Variants in ALX4 observed in about 807,000 individuals in gnomAD.
ALX4 encodes ALX homeobox 4, also known as homeobox protein aristaless-like 4.
A neutral mutation model predicts 40.6 loss-of-function variants in ALX4; 22 were observed. The observed-to-expected ratio is 0.54, with a 90% CI of 0.39 to 0.77. The LOEUF (loss-of-function observed/expected upper bound fraction) is 0.77. Among genes scored for constraint, ALX4 ranks in the 30% least tolerant of loss-of-function variants. The pLI, the probability that ALX4 is intolerant of heterozygous loss-of-function variation, is 0.00. For missense variants in ALX4, 556 were observed against 564.8 expected (o/e 0.98, Z 0.16); for synonymous variants, 266 against 240.5 (o/e 1.11, Z -0.98).
At chr11:44,298,580 G>T (rs377286723) in intron 1 of ALX4, among the ~76,000 whole-genome samples, 1 of 152,164 alleles carries the variant, frequency 6.6e-6, no homozygotes, top group Non-Finnish European at 1.5e-5. Context: ...GAGGAGGAGA[G>T]TTGGGGATGA....
At chr11:44,304,046 C>T (rs1308429097) in intron 1 of ALX4, among the ~76,000 whole-genome samples, 1 of 152,220 alleles carries the variant, frequency 6.6e-6, no homozygotes, top group African/African-American at 2.4e-5. Flanking sequence ...GGTGCCTCCT[C>T]CTTCCAGCAA....
chr11:44,276,229 A>T (rs78877557), intron 1 of ALX4, among the ~76,000 whole-genome samples: 2 of 152,316 alleles, frequency 1.3e-5, no homozygotes, highest in East Asian at 3.9e-4. Context: ...TGAGGAGTCA[A>T]CACCTCCTTC....
chr11:44,264,374 G>C lies in ALX4; in HGVS notation c.*480C>G, dbSNP rs1956200478. On this transcript the variant is annotated 3_prime_UTR_variant, in exon 4 of 4. Transcript: ENST00000652299. Reference sequence around the variant, plus strand: ...GGAGAGAAAGATGGGAGGGCAGGAGGCTGGCTCTGCAGGGCAGCCTGTGCT... The same window carrying C: ...GGAGAGAAAGATGGGAGGGCAGGAGCCTGGCTCTGCAGGGCAGCCTGTGCT... 1 of 166,514 alleles carries C rather than the reference G, an allele frequency of 6.0e-6. No individual in the cohort carries two copies. Among genetic ancestry groups the C allele is most frequent in the Admixed American group, 5.9e-5 (1 of 17,014 alleles). 10.3% of individuals were successfully genotyped at this position (166,514 alleles called of 1,614,324 possible). A position where few individuals can be genotyped will look rare whatever the true frequency, so the allele number is the denominator to read the frequency against.
At chr11:44,302,687 A>T (rs906613016) in intron 1 of ALX4, among the ~76,000 whole-genome samples, 2 of 152,134 alleles carry the variant, frequency 1.3e-5, no homozygotes, top group African/African-American at 4.8e-5. Flanking sequence ...CCCTATTTGC[A>T]TCCCAGTCCT....
At chr11:44,282,887 C>A (rs924867901) in intron 1 of ALX4, among the ~76,000 whole-genome samples, 2 of 152,188 alleles carry the variant, frequency 1.3e-5, no homozygotes, top group African/African-American at 2.4e-5. Context: ...TGTATCCTGA[C>A]TGTGGCAGTG....
chr11:44,301,270 T>C (rs1590703559), intron 1 of ALX4, among the ~76,000 whole-genome samples: 1 of 152,318 alleles, frequency 6.6e-6, no homozygotes, highest in Admixed American at 6.5e-5. Context: ...CCATTGTGTG[T>C]GTGCTGCAGG....
intron 1 of ALX4, among the ~76,000 whole-genome samples, chr11:44,277,187 A>G (rs1318564516): frequency 1.3e-5 from 2 of 152,186 alleles, no homozygotes; most frequent in Admixed American, 6.5e-5. Flanking sequence ...TAGTTTTGCC[A>G]TTATTGATAT....
intron 2 of ALX4, among the ~76,000 whole-genome samples, chr11:44,272,009 T>G (rs1956250962): frequency 6.6e-6 from 1 of 152,168 alleles, no homozygotes; most frequent in Admixed American, 6.5e-5. Context: ...TACCTACACC[T>G]GTGGGTCCTC....
chr11:44,297,948 C>A lies in ALX4; in HGVS notation c.466+11649G>T, dbSNP rs116223710. ...AACTTTCAAGGTCCACTTCGAATGTCCATGCTCAGGAAGCCCCAATCCATT... is the reference window on the plus strand; with the variant it reads ...AACTTTCAAGGTCCACTTCGAATGTACATGCTCAGGAAGCCCCAATCCATT... On this transcript the variant is annotated intron_variant, in intron 1 of 3. Transcript: ENST00000652299. Among the ~76,000 whole-genome samples the A allele has an allele frequency of 2.0e-5, 3 of 152,260 alleles. No individual in the cohort carries two copies. In the East Asian group the frequency reaches 5.8e-4, roughly 29 times the overall value.
At chr11:44,296,600 A>G (rs1187522688) in intron 1 of ALX4, among the ~76,000 whole-genome samples, 1 of 152,250 alleles carries the variant, frequency 6.6e-6, no homozygotes, top group Non-Finnish European at 1.5e-5. Context: ...TGACTGAAGA[A>G]CAAGGAAACA....
At chr11:44,270,904 G>A (rs985754378) in intron 2 of ALX4, among the ~76,000 whole-genome samples, 6 of 152,204 alleles carry the variant, frequency 3.9e-5, no homozygotes, top group African/African-American at 1.4e-4. Context: ...GGGCGGGGAG[G>A]CCTCTGTCTT....
intron 2 of ALX4, among the ~76,000 whole-genome samples, chr11:44,270,246 C>T (rs752886747): frequency 1.5e-4 from 23 of 151,582 alleles, no homozygotes; most frequent in Non-Finnish European, 2.2e-4. Flanking sequence ...GATGACCAGG[C>T]GGGGGAGAGG....
intron 2 of ALX4, among the ~76,000 whole-genome samples, chr11:44,270,045 C>T (rs1454070): frequency 0.073 from 11,114 of 152,080 alleles, 467 homozygotes; most frequent in Middle Eastern, 0.13. Flanking sequence ...TGGAAGATGT[C>T]CCTACAGGCT....
In ALX4 at chr11:44,264,586, G is replaced by A; in HGVS notation, c.*268C>T. The A allele has an allele frequency of 1.8e-6, 1 of 568,424 alleles. No homozygotes were observed. The highest frequency in any genetic ancestry group is 3.1e-6 in the Non-Finnish European group (1 of 318,552). The allele number at this position is 568,424 out of a possible 1,614,324, so 35.2% of individuals were successfully genotyped here. ...TTCAGCTTATCATGGATGCGAAGCT[G>A]AAAAACGTGGCCACCTGGCTTTCTC... On this transcript the variant is annotated 3_prime_UTR_variant, in exon 4 of 4. Transcript: ENST00000652299.
At chr11:44,298,816 T>C (rs1257629394) in intron 1 of ALX4, among the ~76,000 whole-genome samples, 2 of 151,994 alleles carry the variant, frequency 1.3e-5, no homozygotes, top group Admixed American at 1.3e-4. Context: ...AATCAATAAT[T>C]TTCTACCAGA....
intron 2 of ALX4, among the ~76,000 whole-genome samples, chr11:44,272,142 G>T (rs1208085990): frequency 6.6e-6 from 1 of 152,122 alleles, no homozygotes; most frequent in Admixed American, 6.5e-5. Flanking sequence ...GAGGGCTTCT[G>T]GATTCACAGG....
At chr11:44,266,459 C>A (rs993936165) in intron 3 of ALX4, among the ~76,000 whole-genome samples, 2 of 152,212 alleles carry the variant, frequency 1.3e-5, no homozygotes, top group Admixed American at 1.3e-4. Flanking sequence ...CACCTCCAGG[C>A]CTGTGCCCTG....
At chr11:44,299,296 A>G (rs1233493724) in intron 1 of ALX4, among the ~76,000 whole-genome samples, 1 of 151,360 alleles carries the variant, frequency 6.6e-6, no homozygotes, top group African/African-American at 2.4e-5. Context: ...TACTCCTGAC[A>G]CTACTTGTCT....
At chr11:44,296,312 C>A (rs10838254) in intron 1 of ALX4, among the ~76,000 whole-genome samples, 68,038 of 152,006 alleles carry the variant, frequency 0.45, 15,738 homozygotes, top group Admixed American at 0.52. Context: ...AAATTAAAGT[C>A]ATCAAAGACC....
Sources: allele counts gnomAD v4.1 joint callset (sites outside exome capture counted in the v4.1 genomes callset), GRCh38; gene constraint gnomAD v4.1.1; transcripts MANE v1.5; gene names NCBI Gene and HGNC (gene_info 2026-07-23, HGNC 2026-07-21).